The following CHD7 variants were observed in gnomAD, a reference collection of about 807,000 sequenced individuals.
The protein encoded by CHD7 is chromodomain helicase DNA binding protein 7.
In CHD7, 24 loss-of-function variants were observed where a neutral mutation model predicts 307.3. The ratio of observed to expected loss-of-function variants is 0.08; its 90% CI spans 0.06 to 0.11. The LOEUF is 0.11. CHD7 is among the 10% of genes least tolerant of loss of function. CHD7 has a pLI of 1.00. For synonymous variants in CHD7, 1,363 were observed against 1,349.9 expected, an observed-to-expected ratio of 1.01 and a Z score of -0.21; for missense variants, 3,106 against 3,727.1, an observed-to-expected ratio of 0.83 and a Z score of 4.34.
intron 1 of CHD7, among the ~76,000 whole-genome samples, chr8:60,681,493 G>A (rs1161444504): frequency 6.6e-6 from 1 of 152,168 alleles, no homozygotes; most frequent in Non-Finnish European, 1.5e-5. Flanking sequence ...ATAAGTAGGA[G>A]ACATTTTATG....
chr8:60,705,926 A>G (rs947865041), intron 1 of CHD7, among the ~76,000 whole-genome samples: 3 of 152,228 alleles, frequency 2.0e-5, no homozygotes, highest in East Asian at 1.9e-4. Flanking sequence ...ATCCATATAG[A>G]AAAGGTGGCA....
intron 14 of CHD7, 67 bp from the exon 15 acceptor site, chr8:60,830,255 A>C: frequency 1.4e-6 from 2 of 1,460,906 alleles, no homozygotes; most frequent in Non-Finnish European, 1.9e-6. Context: ...CTGATGTTTC[A>C]TGTTAAAATA....
At chr8:60,679,439 G>GA (rs1432233564) in intron 1 of CHD7, 2 of 21,162 alleles carry the variant, frequency 9.5e-5, no homozygotes, top group Non-Finnish European at 3.6e-4. Flanking sequence ...CTGCCGGCGT[G>GA]GGGGGGGGGT....
chr8:60,815,065 A>C (rs117457135), intron 7 of CHD7, among the ~76,000 whole-genome samples: 1 of 152,274 alleles, frequency 6.6e-6, no homozygotes, highest in Non-Finnish European at 1.5e-5. Flanking sequence ...AATTTCATCT[A>C]GTCTGTTTTC....
chr8:60,801,713 T>C (rs1812325395), intron 6 of CHD7, 120 bp downstream of exon 6: 1 of 660,192 alleles, frequency 1.5e-6, no homozygotes, highest in South Asian at 2.1e-5. Context: ...GTAATATTTC[T>C]AATCCTGTCT....
chr8:60,845,197 C>T (rs1216436444), intron 22 of CHD7, 53 bp from the exon 23 acceptor site: 1 of 1,579,492 alleles, frequency 6.3e-7, no homozygotes, highest in African/African-American at 1.4e-5. Flanking sequence ...CTGCCATTGA[C>T]ACTATAATTG....
intron 23 of CHD7, among the ~76,000 whole-genome samples, chr8:60,847,074 C>T (rs1563653923): frequency 6.6e-6 from 1 of 152,212 alleles, no homozygotes; most frequent in Non-Finnish European, 1.5e-5. Flanking sequence ...TGTTTAATCT[C>T]ATGAGTTAAC....
intron 2 of CHD7, among the ~76,000 whole-genome samples, chr8:60,772,183 C>T (rs1439119267): frequency 6.6e-6 from 1 of 152,138 alleles, no homozygotes; most frequent in Non-Finnish European, 1.5e-5. Flanking sequence ...GAGAACTTGC[C>T]TAGAGTGTGT....
intron 7 of CHD7, chr8:60,809,691 A>G (rs1015525422): frequency 7.3e-5 from 11 of 150,400 alleles, no homozygotes; most frequent in African/African-American, 2.5e-4. Flanking sequence ...AAAAAAAAAA[A>G]AAAGAAAAAA....
chr8:60,719,535 T>C (rs752730290), intron 1 of CHD7, among the ~76,000 whole-genome samples: 69 of 152,202 alleles, frequency 4.5e-4, no homozygotes, highest in Non-Finnish European at 9.6e-4. Context: ...TAGGGGCTAG[T>C]TTGTCTTGCC....
chr8:60,847,363 C>T (rs980721486), intron 23 of CHD7, among the ~76,000 whole-genome samples: 9 of 152,192 alleles, frequency 5.9e-5, no homozygotes, highest in African/African-American at 2.2e-4. Context: ...GTGCCATGTG[C>T]AAGGTAACTC....
intron 1 of CHD7, among the ~76,000 whole-genome samples, chr8:60,722,384 C>CTTAA (rs755544707): frequency 6.6e-6 from 1 of 152,054 alleles, no homozygotes. Flanking sequence ...ATTTCTTTTG[C>CTTAA]CATGCTTAAA....
In CHD7 at chr8:60,865,174, G is replaced by A. The variant is rs1177304422; in HGVS notation, c.8235G>A (p.Leu2745=). 2 of 1,612,180 alleles carry A rather than the reference G, an allele frequency of 1.2e-6. No individual in the cohort carries two copies. The highest frequency in any genetic ancestry group is 2.2e-5 in the South Asian group (2 of 90,588). The part of the protein sequence containing the change: ...VASTSGINPL[L]VNSLFAGMDL... The stretch of plus-strand genomic sequence containing the variant: ...CCACGTCAGGGATCAACCCTTTGCT[G>A]GTGAACAGCCTGTTTGCTGGAATGG... Residue 2745 remains leucine, a synonymous_variant, in exon 38 of 38, where the codon CTG becomes CTA. Coordinates refer to ENST00000423902, the MANE Select transcript of CHD7 (RefSeq NM_017780.4). The surrounding 1 kb of genome is among the most constrained non-coding windows in gnomAD (Gnocchi z 4.3).
chr8:60,762,395 C>A (rs926395288), intron 2 of CHD7, among the ~76,000 whole-genome samples: 2 of 152,190 alleles, frequency 1.3e-5, no homozygotes, highest in Non-Finnish European at 2.9e-5. Context: ...CTCCTCTGCA[C>A]ACTTTGGAAG....
intron 1 of CHD7, among the ~76,000 whole-genome samples, chr8:60,693,075 C>G (rs899629719): frequency 6.6e-6 from 1 of 152,190 alleles, no homozygotes; most frequent in Non-Finnish European, 1.5e-5. Context: ...TGCAAGTCTG[C>G]GCTGGTGGTG....
Position 60,856,297 on chromosome 8 carries a change from A to G in CHD7, c.7164+95A>G, listed in dbSNP as rs554583408. 1.6e-4 allele frequency: 201 copies of G among 1,252,782 alleles called. No homozygotes were observed. In the African/African-American group the frequency reaches 2.7e-3, roughly 17 times the overall value. The allele number at this position is 1,252,782 out of a possible 1,614,324, so 77.6% of individuals were successfully genotyped here. On this transcript the variant is annotated intron_variant, in intron 33 of 37. Coordinates refer to ENST00000423902, the MANE Select transcript of CHD7 (RefSeq NM_017780.4). ...TATATTTCACTGGCCTTGCTTAGAA[A>G]TAAGATAGCTGCTGTTTCCTCAGCT...
In CHD7 at chr8:60,867,561, C is replaced by T. The variant is rs956785378; in HGVS notation, c.*1628C>T. On this transcript the variant is annotated 3_prime_UTR_variant, in exon 38 of 38. Transcript: ENST00000423902. ...CTGAACCAACACAAAGCCATATTTC[C>T]ATCCAGTTAAAAAGCAGGGGAAGGG... The T allele has an allele frequency of 2.0e-5, 3 of 152,202 alleles. No homozygotes were observed. Among genetic ancestry groups the T allele is most frequent in the Admixed American group, 1.3e-4 (2 of 15,280 alleles). The allele number at this position is 152,202 out of a possible 1,614,324, so 9.4% of individuals were successfully genotyped here.
chr8:60,748,997 G>A (rs1380485461), intron 2 of CHD7, among the ~76,000 whole-genome samples: 1 of 147,670 alleles, frequency 6.8e-6, no homozygotes. Context: ...TAAAAAAATA[G>A]CCTTTCAGGG....
chr8:60,774,373 A>G (rs2150653202), intron 2 of CHD7, among the ~76,000 whole-genome samples: 1 of 152,390 alleles, frequency 6.6e-6, no homozygotes, highest in Non-Finnish European at 1.5e-5. Flanking sequence ...TGCTTAGCAG[A>G]GCACATGCCA....
Sources: allele counts gnomAD v4.1 joint callset (sites outside exome capture counted in the v4.1 genomes callset), GRCh38; gene constraint gnomAD v4.1.1; non-coding constraint Gnocchi (gnomAD v3.1); transcripts MANE v1.5; gene names NCBI Gene and HGNC (gene_info 2026-07-23, HGNC 2026-07-21).